The following GLRB variants were observed in gnomAD, a reference collection of about 807,000 sequenced individuals.
GLRB encodes the protein glycine receptor subunit beta.
Under a neutral mutation model 54.2 loss-of-function variants are expected in GLRB, and 33 were observed. That is an observed-to-expected ratio of 0.61 (90% CI 0.46 to 0.81). GLRB has a LOEUF of 0.81. GLRB is among the 40% of genes least tolerant of loss of function. The pLI is 0.00. For synonymous variants in GLRB, 209 were observed against 208.2 expected, an observed-to-expected ratio of 1.00 and a Z score of -0.03; for missense variants, 572 against 584.6, an observed-to-expected ratio of 0.98 and a Z score of 0.22.
chr4:157,131,593 C>T (rs1366337812), intron 4 of GLRB, among the ~76,000 whole-genome samples: 1 of 151,694 alleles, frequency 6.6e-6, no homozygotes, highest in Non-Finnish European at 1.5e-5. Context: ...ATCCCTTTCT[C>T]CTCTCTAAAT....
At chr4:157,113,095 A>T (rs1735479953) in intron 2 of GLRB, among the ~76,000 whole-genome samples, 1 of 151,898 alleles carries the variant, frequency 6.6e-6, no homozygotes, top group African/African-American at 2.4e-5. Flanking sequence ...TTTTTCAATT[A>T]TACCCACATT....
chr4:157,132,693 G>A (rs948243211), intron 4 of GLRB, among the ~76,000 whole-genome samples: 2 of 151,852 alleles, frequency 1.3e-5, no homozygotes, highest in African/African-American at 4.8e-5. Flanking sequence ...ATCCCTCTCA[G>A]ATAGCTCAGA....
intron 2 of GLRB, among the ~76,000 whole-genome samples, chr4:157,115,485 T>A (rs531398843): frequency 6.6e-6 from 1 of 151,876 alleles, no homozygotes; most frequent in East Asian, 2.0e-4. Context: ...ATCTAAAACC[T>A]CCACCAACAA....
At chr4:157,157,677 T>A (rs1222653219) in intron 9 of GLRB, among the ~76,000 whole-genome samples, 1 of 152,214 alleles carries the variant, frequency 6.6e-6, no homozygotes, top group South Asian at 2.1e-4. Context: ...AACTCATCCT[T>A]TTTATGGCTG....
intron 2 of GLRB, among the ~76,000 whole-genome samples, chr4:157,084,193 T>TTTGGCCAAGCTA (rs1266088726): frequency 6.6e-6 from 1 of 152,218 alleles, no homozygotes; most frequent in Non-Finnish European, 1.5e-5. Context: ...TAATAGTGAA[T>TTTGGCCAAGCTA]TTGGCCAAGC....
chr4:157,102,175 G>A (rs1735055205), intron 2 of GLRB, among the ~76,000 whole-genome samples: 2 of 152,208 alleles, frequency 1.3e-5, no homozygotes, highest in African/African-American at 4.8e-5. Context: ...ATCACTAGAG[G>A]TTGTTTTATT....
intron 2 of GLRB, among the ~76,000 whole-genome samples, chr4:157,119,068 G>C (rs367982387): frequency 6.6e-6 from 1 of 151,498 alleles, no homozygotes. Context: ...GGGCTCTTAA[G>C]CAACCACCAA....
intron 4 of GLRB, among the ~76,000 whole-genome samples, chr4:157,133,740 G>T (rs1364986383): frequency 6.6e-6 from 1 of 151,866 alleles, no homozygotes; most frequent in Non-Finnish European, 1.5e-5. Flanking sequence ...ATGCAAAATG[G>T]GAAGAAAATG....
chr4:157,096,619 C>G (rs548028309), intron 2 of GLRB, among the ~76,000 whole-genome samples: 64 of 152,256 alleles, frequency 4.2e-4, no homozygotes, highest in Non-Finnish European at 7.9e-4. Flanking sequence ...ATGTTTGTTG[C>G]CTCCTATAGC....
chr4:157,110,056 T>G (rs973046261), intron 2 of GLRB, among the ~76,000 whole-genome samples: 24 of 151,856 alleles, frequency 1.6e-4, no homozygotes, highest in Admixed American at 1.4e-3. Context: ...ACCTTCAACC[T>G]TTCTCCCCTC....
intron 9 of GLRB, among the ~76,000 whole-genome samples, chr4:157,160,220 C>T (rs971399509): frequency 6.6e-6 from 1 of 151,928 alleles, no homozygotes; most frequent in Non-Finnish European, 1.5e-5. Flanking sequence ...TGATTCTTCT[C>T]TCTTTTCTTC....
chr4:157,076,690 T>A (rs1373645772), intron 1 of GLRB: 1 of 152,222 alleles, frequency 6.6e-6, no homozygotes, highest in Admixed American at 6.5e-5. Context: ...AATTTCTCTG[T>A]TTTTCGAAGC....
At chr4:157,126,387 T>C (rs1736017122) in intron 4 of GLRB, among the ~76,000 whole-genome samples, 2 of 151,844 alleles carry the variant, frequency 1.3e-5, no homozygotes, top group African/African-American at 4.8e-5. Context: ...GCCTGTTTTA[T>C]GGCCTCATTG....
chr4:157,105,134 G>T (rs1190480850), intron 2 of GLRB, among the ~76,000 whole-genome samples: 2 of 150,238 alleles, frequency 1.3e-5, no homozygotes, highest in East Asian at 2.0e-4. Context: ...ATAAAGTTAG[G>T]CTATATATTT....
intron 1 of GLRB, among the ~76,000 whole-genome samples, chr4:157,076,758 A>G (rs1406048612): frequency 6.7e-6 from 1 of 149,502 alleles, no homozygotes; most frequent in Non-Finnish European, 1.5e-5. Flanking sequence ...TGGGAGAAGT[A>G]CCTGCTGCTG....
At chr4:157,126,416 A>G (rs1040779212) in intron 4 of GLRB, among the ~76,000 whole-genome samples, 3 of 151,556 alleles carry the variant, frequency 2.0e-5, no homozygotes, top group Non-Finnish European at 4.4e-5. Context: ...TATAGTTCCT[A>G]TTTCTCATGT....
intron 4 of GLRB, among the ~76,000 whole-genome samples, chr4:157,123,752 G>A (rs1471052163): frequency 6.6e-6 from 1 of 151,638 alleles, no homozygotes; most frequent in Non-Finnish European, 1.5e-5. Context: ...AAACTTTGCA[G>A]GAATCTATTT....
rs75237010 is a variant in GLRB, at chr4:157,126,486, A to G, written c.297+4089A>G. 1.7e-3 allele frequency among the ~76,000 whole-genome samples: 256 copies of G among 151,962 alleles called. 1 individual carries two copies. The highest frequency in any genetic ancestry group is 5.9e-3 in the African/African-American group (243 of 41,526). On this transcript the variant is annotated intron_variant, in intron 4 of 9. Transcript: ENST00000264428. ...TTTGTAAGGTATCATTATCAATACT[A>G]TAAGTGGTATTTACCAACATTAACA...
At chr4:157,143,726 AC>A in intron 7 of GLRB, 80 bp from the exon 8 acceptor site, 1 of 1,392,966 alleles carries the variant, frequency 7.2e-7, no homozygotes, top group Non-Finnish European at 1.0e-6. Context: ...GAAGTGACTT[AC>A]CGTTTCCAGG....
Sources: allele counts gnomAD v4.1 joint callset (sites outside exome capture counted in the v4.1 genomes callset), GRCh38; gene constraint gnomAD v4.1.1; transcripts MANE v1.5; gene names NCBI Gene and HGNC (gene_info 2026-07-23, HGNC 2026-07-21).